Variants in SPTLC2 observed in about 807,000 individuals in gnomAD.
SPTLC2 encodes serine palmitoyltransferase 2.
Under a neutral mutation model 62.0 loss-of-function variants are expected in SPTLC2, and 21 were observed. The ratio of observed to expected loss-of-function variants is 0.34; its 90% CI spans 0.24 to 0.49. SPTLC2 has a LOEUF of 0.49. SPTLC2 is among the 20% of genes least tolerant of loss of function. The pLI is 0.99. For synonymous variants in SPTLC2, 261 were observed against 261.8 expected (o/e 1.00, Z 0.03); for missense variants, 511 against 713.0 (o/e 0.72, Z 3.23).
At chr14:77,612,890 A>T (rs2079945623) in intron 1 of SPTLC2, among the ~76,000 whole-genome samples, 1 of 152,178 alleles carries the variant, frequency 6.6e-6, no homozygotes, top group Admixed American at 6.5e-5. Flanking sequence ...TCTCATTAAA[A>T]CTACACCCAA....
At chr14:77,517,393 C>T (rs1412536032) in intron 11 of SPTLC2, among the ~76,000 whole-genome samples, 1 of 152,240 alleles carries the variant, frequency 6.6e-6, no homozygotes, top group Non-Finnish European at 1.5e-5. Context: ...GCAACAATAA[C>T]ATATTAAGAG....
intron 11 of SPTLC2, among the ~76,000 whole-genome samples, chr14:77,517,697 C>T (rs924978935): frequency 6.6e-5 from 10 of 152,074 alleles, no homozygotes; most frequent in Admixed American, 5.2e-4. Flanking sequence ...TGGCAGTCAG[C>T]CAGGCAGAGG....
intron 6 of SPTLC2, among the ~76,000 whole-genome samples, chr14:77,560,816 T>TA (rs1187698883): frequency 2.6e-5 from 4 of 151,324 alleles, no homozygotes; most frequent in African/African-American, 4.9e-5. Flanking sequence ...ACTGAGTACA[T>TA]ACAGACACGA....
Position 77,616,460 on chromosome 14 carries a change from GGCT to G in SPTLC2, c.117_119del (p.Ala42del), listed in dbSNP as rs1437550065. Reference sequence around the variant, plus strand: ...GGGCCCCTCGTACCTGGCCGGCGGCGGCTGCGGCTGCGGCTGCAGCGCTGCTCC... The same window carrying G: ...GGGCCCCTCGTACCTGGCCGGCGGCGGCGGCTGCGGCTGCAGCGCTGCTCC... On this transcript the variant is annotated inframe_deletion, in exon 1 of 12. Transcript: ENST00000216484. 6.7e-7 allele frequency: 1 copy of G among 1,484,858 alleles called. No individual in the cohort carries two copies. The allele number at this position is 1,484,858 out of a possible 1,614,324, so 92.0% of individuals were successfully genotyped here.
At chr14:77,528,089 G>C (rs938394682) in intron 9 of SPTLC2, among the ~76,000 whole-genome samples, 1 of 152,130 alleles carries the variant, frequency 6.6e-6, no homozygotes, top group African/African-American at 2.4e-5. Flanking sequence ...AATCTTCTTA[G>C]ATTTCCTGAA....
chr14:77,607,477 T>G (rs1430839680), intron 1 of SPTLC2, among the ~76,000 whole-genome samples: 2 of 152,224 alleles, frequency 1.3e-5, no homozygotes, highest in Non-Finnish European at 2.9e-5. Context: ...TTCCTTAGTT[T>G]ATATTGCCTG....
chr14:77,539,035 C>T (rs1335066915), intron 9 of SPTLC2, among the ~76,000 whole-genome samples: 3 of 151,822 alleles, frequency 2.0e-5, no homozygotes, highest in Non-Finnish European at 2.9e-5. Flanking sequence ...TAACTACCTA[C>T]TAGATAAGGC....
intron 1 of SPTLC2, among the ~76,000 whole-genome samples, chr14:77,616,029 T>TG (rs2079964649): frequency 6.6e-6 from 1 of 152,042 alleles, no homozygotes; most frequent in Non-Finnish European, 1.5e-5. Context: ...CCATGGGTGG[T>TG]TTTCTTTGGA....
chr14:77,555,220 C>A (rs2079576075), intron 8 of SPTLC2, 80 bp downstream of exon 8: 2 of 1,557,334 alleles, frequency 1.3e-6, no homozygotes, highest in South Asian at 1.1e-5. Context: ...CAGTTCAGGG[C>A]CCCATCTGCT....
rs1399065359 is a variant in SPTLC2 at position 77,597,361 on chromosome 14, T to C, written c.152A>G (p.Asn51Ser). ...AAGQIHHVTQ[N>S]GGLYKRPFNE... The stretch of plus-strand genomic sequence containing the variant: ...AAACGGTCTTTTATATAGTCCTCCA[T>C]TTTGTGTAACATGATGGATCTAAAA... Residue 51 changes from asparagine (N) to serine (S), a missense_variant, in exon 2 of 12, where the codon AAT (asparagine) becomes AGT (serine). Asn to Ser is a conservative substitution (Grantham distance 46). Coordinates refer to ENST00000216484, the MANE Select transcript of SPTLC2 (RefSeq NM_004863.4). 1.9e-6 allele frequency: 3 copies of C among 1,613,990 alleles called. No individual in the cohort carries two copies. The highest frequency in any genetic ancestry group is 2.5e-6 in the Non-Finnish European group (3 of 1,179,954).
intron 8 of SPTLC2, among the ~76,000 whole-genome samples, chr14:77,554,161 T>C (rs1214082727): frequency 6.6e-6 from 1 of 152,102 alleles, no homozygotes; most frequent in Non-Finnish European, 1.5e-5. Context: ...TGAAGCAAAA[T>C]TAAGAACATT....
At chr14:77,599,058 G>T (rs1410442357) in intron 1 of SPTLC2, among the ~76,000 whole-genome samples, 1 of 152,180 alleles carries the variant, frequency 6.6e-6, no homozygotes, top group East Asian at 1.9e-4. Flanking sequence ...CCCAAACATC[G>T]TAAGATTATC....
intron 4 of SPTLC2, among the ~76,000 whole-genome samples, chr14:77,571,310 A>G (rs918133499): frequency 6.6e-6 from 1 of 152,136 alleles, no homozygotes; most frequent in African/African-American, 2.4e-5. Context: ...CAGGAGTTTG[A>G]GACCAGCCTG....
At chr14:77,528,605 A>G (rs976132755) in intron 9 of SPTLC2, among the ~76,000 whole-genome samples, 1 of 152,160 alleles carries the variant, frequency 6.6e-6, no homozygotes, top group Non-Finnish European at 1.5e-5. Flanking sequence ...TCCCTCAAAT[A>G]GATAGCTCCA....
At chr14:77,604,889 T>TA (rs1445463133) in intron 1 of SPTLC2, among the ~76,000 whole-genome samples, 22 of 133,948 alleles carry the variant, frequency 1.6e-4, no homozygotes, top group Non-Finnish European at 1.3e-4. Context: ...AAAAAAAAGG[T>TA]AAAATGACAA....
chr14:77,580,165 A>G (rs977197464), intron 2 of SPTLC2, among the ~76,000 whole-genome samples: 1 of 152,072 alleles, frequency 6.6e-6, no homozygotes, highest in South Asian at 2.1e-4. Context: ...ATAATAAACA[A>G]GAAACACTAT....
intron 2 of SPTLC2, among the ~76,000 whole-genome samples, chr14:77,583,055 C>A (rs968837637): frequency 4.0e-5 from 6 of 151,840 alleles, no homozygotes; most frequent in African/African-American, 1.5e-4. Context: ...CAAAAATTAG[C>A]CAGGTGTGGT....
intron 9 of SPTLC2, among the ~76,000 whole-genome samples, chr14:77,543,211 G>A (rs2079510865): frequency 2.6e-5 from 4 of 152,058 alleles, no homozygotes; most frequent in Admixed American, 2.0e-4. Context: ...CACCACACCC[G>A]GCTAATTTTT....
At chr14:77,611,820 C>T (rs8008258) in intron 1 of SPTLC2, among the ~76,000 whole-genome samples, 65,457 of 142,680 alleles carry the variant, frequency 0.46, 14,588 homozygotes, top group East Asian at 0.67. Flanking sequence ...AGTGAGACTC[C>T]GTCTCAAAAA....
Sources: gnomAD v4.1 joint callset for allele counts (sites outside exome capture counted in the v4.1 genomes callset) on GRCh38, gnomAD v4.1.1 for gene constraint, MANE v1.5 for transcripts, NCBI Gene and HGNC (gene_info 2026-07-23, HGNC 2026-07-21) for gene names.